The following ANO10 variants were observed in gnomAD, a reference collection of about 807,000 sequenced individuals.
The protein encoded by ANO10 is anoctamin 10, also known as anoctamin-10.
Under a neutral mutation model 74.7 loss-of-function variants are expected in ANO10, and 77 were observed. That is an observed-to-expected ratio of 1.03 (90% CI 0.86 to 1.25). The LOEUF is 1.25. ANO10 is among the 50% of genes most tolerant of loss of function. The pLI, the probability that ANO10 is intolerant of heterozygous loss-of-function variation, is 0.00. For missense variants in ANO10, 721 were observed against 778.1 expected (o/e 0.93, Z 0.87); for synonymous variants, 279 against 284.9 (o/e 0.98, Z 0.21).
At chr3:43,676,917 G>C (rs1307286678) in intron 1 of ANO10, among the ~76,000 whole-genome samples, 1 of 152,064 alleles carries the variant, frequency 6.6e-6, no homozygotes, top group African/African-American at 2.4e-5. Flanking sequence ...GCCTGAGAAA[G>C]GGGGATGATT....
intron 1 of ANO10, chr3:43,690,970 C>A (rs779262076): frequency 7.0e-6 from 11 of 1,567,944 alleles, no homozygotes; most frequent in East Asian, 2.5e-5. Flanking sequence ...GAGATAAGTC[C>A]CGGCGCTTGC....
chr3:43,445,889 G>A (rs549842754), intron 11 of ANO10, among the ~76,000 whole-genome samples: 8 of 151,892 alleles, frequency 5.3e-5, no homozygotes, highest in Admixed American at 1.3e-4. Flanking sequence ...TTGTAGAGAC[G>A]GGGTTTTGCC....
intron 11 of ANO10, among the ~76,000 whole-genome samples, chr3:43,540,641 T>C (rs41502148): frequency 0.014 from 2,148 of 152,314 alleles, 55 homozygotes; most frequent in African/African-American, 0.048. Flanking sequence ...AAAATGCCTC[T>C]TGGTGAGCCA....
chr3:43,653,323 A>T (rs1575580188), intron 1 of ANO10, among the ~76,000 whole-genome samples: 1 of 152,198 alleles, frequency 6.6e-6, no homozygotes, highest in Non-Finnish European at 1.5e-5. Flanking sequence ...ATATAAAAGT[A>T]TTCAGATTAA....
At chr3:43,372,820 G>C (rs2091664441) in intron 12 of ANO10, 1 of 1,535,260 alleles carries the variant, frequency 6.5e-7, no homozygotes, top group African/African-American at 1.4e-5. Context: ...GAATACCGTG[G>C]AAGAGAGACC....
intron 12 of ANO10, among the ~76,000 whole-genome samples, chr3:43,385,826 T>G: frequency 6.6e-6 from 1 of 151,744 alleles, no homozygotes; most frequent in Non-Finnish European, 1.5e-5. Context: ...AGTGCTCAGG[T>G]GATGGGTGCA....
chr3:43,648,063 G>A (rs1350520423), intron 1 of ANO10, among the ~76,000 whole-genome samples: 7 of 152,184 alleles, frequency 4.6e-5, no homozygotes, highest in African/African-American at 1.7e-4. Context: ...CAGCCAGGCT[G>A]AAGCCCAGGA....
intron 12 of ANO10, among the ~76,000 whole-genome samples, chr3:43,418,148 G>T (rs971077699): frequency 2.0e-5 from 3 of 152,110 alleles, no homozygotes; most frequent in Admixed American, 2.0e-4. Flanking sequence ...GTGGTGGCAG[G>T]TGCCTGTAAT....
At chr3:43,396,951 T>TG (rs1471882311) in intron 12 of ANO10, among the ~76,000 whole-genome samples, 9 of 151,590 alleles carry the variant, frequency 5.9e-5, no homozygotes, top group African/African-American at 1.9e-4. Context: ...TTTTTTGAGA[T>TG]GGAGTTTCGC....
Position 43,621,926 on chromosome 3 carries a change from C to T in ANO10, c.-29G>A, listed in dbSNP as rs1442642455. Reference sequence around the variant, plus strand: ...CGACTCACCAGCCGCCGCAGCGCTCCACGTCTTCGGAGGCGGGTCCGAGAG... The same window carrying T: ...CGACTCACCAGCCGCCGCAGCGCTCTACGTCTTCGGAGGCGGGTCCGAGAG... On this transcript the variant is annotated 5_prime_UTR_variant, in exon 1 of 13. Transcript: ENST00000292246. 3 of 152,580 alleles carry T rather than the reference C, an allele frequency of 2.0e-5. No homozygotes were observed. The highest frequency in any genetic ancestry group is 1.9e-4 in the East Asian group (1 of 5,192). The allele number at this position is 152,580 out of a possible 1,614,324, so 9.5% of individuals were successfully genotyped here. A position where few individuals can be genotyped will look rare whatever the true frequency, so the allele number is the denominator to read the frequency against.
chr3:43,449,564 C>T (rs1329566245), intron 11 of ANO10, among the ~76,000 whole-genome samples: 1 of 148,566 alleles, frequency 6.7e-6, no homozygotes, highest in Non-Finnish European at 1.5e-5. Context: ...TTACAGCACC[C>T]TTTGTTGAAA....
At chr3:43,379,458 G>A (rs1050337793) in intron 12 of ANO10, among the ~76,000 whole-genome samples, 68 of 152,284 alleles carry the variant, frequency 4.5e-4, no homozygotes, top group Admixed American at 5.9e-4. Flanking sequence ...GGCCCACATC[G>A]TGAACTTTTG....
intron 10 of ANO10, among the ~76,000 whole-genome samples, chr3:43,552,768 ATATGTG>A (rs2079545612): frequency 6.8e-6 from 1 of 148,002 alleles, no homozygotes; most frequent in Non-Finnish European, 1.5e-5. Context: ...GTATGTATGT[ATATGTG>A]TGTATTTTAT....
Position 43,402,860 on chromosome 3 carries a change from A to C in ANO10, c.1914+29751T>G, listed in dbSNP as rs369349493. ...TAAATGCCCTACACCAAATAAACAG[A>C]TTACCAAGACCGTACCATGGTCTGT... On this transcript the variant is annotated intron_variant, in intron 12 of 12. Transcript: ENST00000292246. Among the ~76,000 whole-genome samples, 16 of 152,294 alleles carry C rather than the reference A, an allele frequency of 1.1e-4. No homozygotes were observed. The East Asian group carries it at 2.7e-3, about 26-fold the overall frequency.
At chr3:43,400,405 G>A (rs943100049) in intron 12 of ANO10, among the ~76,000 whole-genome samples, 3 of 151,974 alleles carry the variant, frequency 2.0e-5, no homozygotes, top group African/African-American at 7.3e-5. Flanking sequence ...AGAGAAAGTC[G>A]ACTGGCTGGG....
upstream of ANO10, among the ~76,000 whole-genome samples, chr3:43,623,290 A>G (rs1211968824): frequency 6.6e-6 from 1 of 152,194 alleles, no homozygotes; most frequent in Non-Finnish European, 1.5e-5. Context: ...CTATTTTTAT[A>G]ATTGTTCTAT....
chr3:43,427,172 G>A (rs887069476), intron 12 of ANO10, among the ~76,000 whole-genome samples: 4 of 152,120 alleles, frequency 2.6e-5, no homozygotes, highest in Non-Finnish European at 5.9e-5. Flanking sequence ...AAACTGAGGT[G>A]CGAAGAGGCC....
intron 10 of ANO10, among the ~76,000 whole-genome samples, chr3:43,553,374 C>T (rs1000123095): frequency 6.6e-6 from 1 of 152,002 alleles, no homozygotes; most frequent in African/African-American, 2.4e-5. Flanking sequence ...AGTTCTTAGC[C>T]GTTATTTATT....
In ANO10 at chr3:43,432,638, A is replaced by C; in HGVS notation, c.1887T>G (p.Phe629Leu). Residue 629 changes from phenylalanine (F) to leucine (L), a missense_variant, in exon 12 of 13, where the codon TTT (phenylalanine) becomes TTG (leucine). Transcript: ENST00000292246. Reference sequence around the variant, plus strand: ...GCTGCTTGAGTGCCTCCAAAGACTCAAATTCCAGTCTGGCTAGTTTCATCT... The same window carrying C: ...GCTGCTTGAGTGCCTCCAAAGACTCCAATTCCAGTCTGGCTAGTTTCATCT... Reference protein sequence around the residue: ...HIQMKLARLEFESLEALKQQQ... With the variant: ...HIQMKLARLELESLEALKQQQ... 6.2e-7 allele frequency: 1 copy of C among 1,613,820 alleles called. No homozygotes were observed. Among genetic ancestry groups the C allele is most frequent in the Non-Finnish European group, 8.5e-7 (1 of 1,179,744 alleles).
Sources: gnomAD v4.1 joint callset for allele counts (sites outside exome capture counted in the v4.1 genomes callset) on GRCh38, gnomAD v4.1.1 for gene constraint, MANE v1.5 for transcripts, NCBI Gene and HGNC (gene_info 2026-07-23, HGNC 2026-07-21) for gene names.